Variants in MAP7D2 observed in about 807,000 individuals in gnomAD.
MAP7D2 encodes MAP7 domain-containing protein 2.
A neutral mutation model predicts 63.5 loss-of-function variants in MAP7D2; 33 were observed. The observed-to-expected ratio is 0.52, with a 90% CI of 0.39 to 0.70. The LOEUF (loss-of-function observed/expected upper bound fraction) is 0.70. MAP7D2 is among the 30% of genes least tolerant of loss of function. The probability of loss-of-function intolerance (pLI) is 0.00; values close to 1 mark genes in which losing one functional copy is unlikely to be tolerated. For missense variants in MAP7D2, 626 were observed against 604.0 expected, an observed-to-expected ratio of 1.04 and a Z score of -0.38; for synonymous variants, 224 against 223.7, an observed-to-expected ratio of 1.00 and a Z score of -0.01.
chrX:20,041,013 T>G (rs2064640653), intron 8 of MAP7D2, among the ~76,000 whole-genome samples: 1 of 111,679 alleles, frequency 9.0e-6, no homozygotes, highest in Non-Finnish European at 1.9e-5. Flanking sequence ...TAATTCTCAT[T>G]TCTATAGAAG....
chrX:20,052,021 G>A (rs943232749), intron 5 of MAP7D2, among the ~76,000 whole-genome samples: 1 of 111,961 alleles, frequency 8.9e-6, no homozygotes, highest in Non-Finnish European at 1.9e-5. Flanking sequence ...ATATGCCTCT[G>A]GGATAGAGGT....
chrX:20,065,917 CTTT>C (rs11323432), intron 1 of MAP7D2, among the ~76,000 whole-genome samples: 2 of 92,274 alleles, frequency 2.2e-5, no homozygotes, highest in Non-Finnish European at 2.1e-5. Context: ...GCACACCATT[CTTT>C]TTTTTTTTTT....
At chrX:20,054,402 G>A (rs1190695800) in intron 4 of MAP7D2, among the ~76,000 whole-genome samples, 1 of 111,331 alleles carries the variant, frequency 9.0e-6, no homozygotes, top group African/African-American at 3.3e-5. Flanking sequence ...GTTTATTATG[G>A]ATTGTTTTGC....
intron 1 of MAP7D2, among the ~76,000 whole-genome samples, chrX:20,094,845 AG>A (rs1220693851): frequency 9.4e-6 from 1 of 106,658 alleles, no homozygotes; most frequent in African/African-American, 3.4e-5. Context: ...GCAAAGTGCT[AG>A]GATTAACAAA....
chrX:20,018,440 C>CTT (rs757792186), intron 10 of MAP7D2, among the ~76,000 whole-genome samples: 24 of 77,391 alleles, frequency 3.1e-4, no homozygotes, highest in African/African-American at 9.7e-4. Flanking sequence ...AAATCTTGTC[C>CTT]TTTTTTTTTT....
At chrX:20,087,783 A>G (rs1478569369) in intron 1 of MAP7D2, among the ~76,000 whole-genome samples, 1 of 110,867 alleles carries the variant, frequency 9.0e-6, no homozygotes, top group East Asian at 2.8e-4. Context: ...ACAAGCAAAT[A>G]GCAGGTCCAG....
intron 1 of MAP7D2, among the ~76,000 whole-genome samples, chrX:20,066,594 G>A (rs1603385019): frequency 9.0e-6 from 1 of 111,522 alleles, no homozygotes; most frequent in East Asian, 2.8e-4. Context: ...AAAATTTAAA[G>A]GCCAACTCCT....
At chrX:20,062,414 C>A (rs1305704026) in intron 3 of MAP7D2, among the ~76,000 whole-genome samples, 1 of 110,652 alleles carries the variant, frequency 9.0e-6, no homozygotes, top group Admixed American at 9.6e-5. Flanking sequence ...GGAAAGAAAT[C>A]ACCATGAAAG....
intron 2 of MAP7D2, among the ~76,000 whole-genome samples, chrX:20,063,864 G>C (rs1482836619): frequency 8.9e-6 from 1 of 112,420 alleles, no homozygotes; most frequent in East Asian, 2.8e-4. Flanking sequence ...TGACCGTGAA[G>C]TTCACAGTAA....
chrX:20,088,743 T>C (rs1374185458), intron 1 of MAP7D2, among the ~76,000 whole-genome samples: 1 of 110,827 alleles, frequency 9.0e-6, no homozygotes, highest in Non-Finnish European at 1.9e-5. Context: ...TGGTTTGATT[T>C]ATCAATTTTT....
intron 3 of MAP7D2, among the ~76,000 whole-genome samples, chrX:20,060,598 G>A (rs1468193267): frequency 9.0e-6 from 1 of 111,430 alleles, no homozygotes; most frequent in Non-Finnish European, 1.9e-5. Context: ...CCCTGAGAAT[G>A]GGCTGGCATA....
chrX:20,084,913 C>G (rs1054075202), intron 1 of MAP7D2, among the ~76,000 whole-genome samples: 8 of 111,318 alleles, frequency 7.2e-5, no homozygotes, highest in African/African-American at 2.6e-4. Flanking sequence ...AGTGGTAAGG[C>G]TTTTAATTAT....
In MAP7D2 at chrX:20,050,921, C is replaced by T; in HGVS notation, c.621G>A (p.Met207Ile). ...DRAHHMHLSP[M>I]EAILVSRLLT... ...ACAGTCGCGAAACAAGAATGGCTTC[C>T]ATTGGACTAAGGTGCATGTGATGAG... Residue 207 changes from methionine to isoleucine, a missense_variant, in exon 6 of 17, where the codon ATG (methionine) becomes ATA (isoleucine). Met to Ile is a conservative substitution (Grantham distance 10). Transcript: ENST00000379643. The T allele has an allele frequency of 1.2e-5, 14 of 1,168,013 alleles. No individual in the cohort carries two copies. The highest frequency in any genetic ancestry group is 1.5e-5 in the Non-Finnish European group (13 of 873,680).
At chrX:20,034,293 T>C (rs752646407) in intron 8 of MAP7D2, among the ~76,000 whole-genome samples, 2 of 103,044 alleles carry the variant, frequency 1.9e-5, no homozygotes, top group East Asian at 3.1e-4. Context: ...CTCGCACCTG[T>C]AACCTGAGCA....
intron 1 of MAP7D2, among the ~76,000 whole-genome samples, chrX:20,086,379 A>G (rs2065910643): frequency 8.9e-6 from 1 of 112,337 alleles, no homozygotes; most frequent in African/African-American, 3.2e-5. Flanking sequence ...GCTACACGAT[A>G]AATGAATAAT....
At chrX:20,009,448 G>C (rs2073106477) in intron 16 of MAP7D2, among the ~76,000 whole-genome samples, 1 of 110,722 alleles carries the variant, frequency 9.0e-6, no homozygotes, top group African/African-American at 3.3e-5. Context: ...CAGATTACCT[G>C]AGCTCAGGAG....
intron 1 of MAP7D2, among the ~76,000 whole-genome samples, chrX:20,073,044 C>T (rs756183027): frequency 9.3e-6 from 1 of 107,167 alleles, no homozygotes; most frequent in East Asian, 2.8e-4. Context: ...TTGTAGTGCT[C>T]CCCCCCACCC....
chrX:20,114,221 T>C (rs975460538), intron 1 of MAP7D2, among the ~76,000 whole-genome samples: 12 of 111,856 alleles, frequency 1.1e-4, no homozygotes, highest in African/African-American at 3.9e-4. Context: ...TTAGTAGAGA[T>C]AGGGTTTCAC....
chrX:20,114,472 T>G (rs1383726036), intron 1 of MAP7D2, among the ~76,000 whole-genome samples: 1 of 112,940 alleles, frequency 8.9e-6, no homozygotes, highest in East Asian at 2.8e-4. Flanking sequence ...AAACAAGCAC[T>G]TGCTCATTTG....
Sources: allele counts gnomAD v4.1 joint callset (sites outside exome capture counted in the v4.1 genomes callset), GRCh38; gene constraint gnomAD v4.1.1; transcripts MANE v1.5; gene names NCBI Gene and HGNC (gene_info 2026-07-23, HGNC 2026-07-21).